RBFOX1: variants seen among roughly 807,000 people sequenced by gnomAD.
RBFOX1 encodes the protein RNA binding fox-1 homolog 1.
A neutral mutation model predicts 57.7 loss-of-function variants in RBFOX1; 8 were observed. The observed-to-expected ratio is 0.14, with a 90% CI of 0.08 to 0.25. The LOEUF is 0.25. RBFOX1 is among the 10% of genes least tolerant of loss of function. RBFOX1 has a pLI of 1.00. For synonymous variants in RBFOX1, 326 were observed against 222.4 expected (o/e 1.47, Z -4.15); for missense variants, 611 against 548.5 (o/e 1.11, Z -1.14).
chr16:7,225,898 T>TGTA, intron 4 of RBFOX1, among the ~76,000 whole-genome samples: 2 of 29,038 alleles, frequency 6.9e-5, no homozygotes, highest in Non-Finnish European at 1.1e-4. Flanking sequence ...GAACTTAAAG[T>TGTA]ATAATAAATA....
chr16:6,782,732 C>G (rs1411212182), intron 3 of RBFOX1, among the ~76,000 whole-genome samples: 1 of 152,118 alleles, frequency 6.6e-6, no homozygotes, highest in African/African-American at 2.4e-5. Context: ...TTGTAAATGT[C>G]TATTGATCAA....
chr16:5,823,399 C>T (rs1232648853), intron 3 of RBFOX1, among the ~76,000 whole-genome samples: 1 of 152,158 alleles, frequency 6.6e-6, no homozygotes, highest in Admixed American at 6.5e-5. Flanking sequence ...TAACCAAATG[C>T]AACATAGCAT....
At chr16:6,381,073 C>T (rs528385428) in intron 2 of RBFOX1, among the ~76,000 whole-genome samples, 35 of 152,108 alleles carry the variant, frequency 2.3e-4, no homozygotes, top group African/African-American at 8.0e-4. Context: ...CAGTTTGGGG[C>T]AAGGGGATTT....
At chr16:5,414,519 G>C (rs1014968648) in intron 1 of RBFOX1, among the ~76,000 whole-genome samples, 32 of 152,152 alleles carry the variant, frequency 2.1e-4, no homozygotes, top group African/African-American at 7.7e-4. Context: ...ATGTGGGTTG[G>C]TCAATTTGGG....
intron 2 of RBFOX1, among the ~76,000 whole-genome samples, chr16:6,485,396 C>T (rs2153106945): frequency 1.3e-5 from 2 of 151,442 alleles, no homozygotes; most frequent in South Asian, 4.2e-4. Context: ...ATTTCTTCCT[C>T]CTTATCCCAT....
intron 4 of RBFOX1, among the ~76,000 whole-genome samples, chr16:5,922,549 C>T (rs1417894846): frequency 6.6e-6 from 1 of 152,172 alleles, no homozygotes. Context: ...CACCATCTCC[C>T]TGCTGGACCC....
At chr16:5,592,854 C>A (rs1009582432) in intron 2 of RBFOX1, among the ~76,000 whole-genome samples, 1 of 152,150 alleles carries the variant, frequency 6.6e-6, no homozygotes, top group East Asian at 1.9e-4. Flanking sequence ...GGGGTCAGAA[C>A]ACTTTAGGGT....
intron 1 of RBFOX1, among the ~76,000 whole-genome samples, chr16:6,157,825 G>A (rs975688036): frequency 7.2e-5 from 11 of 152,144 alleles, no homozygotes; most frequent in African/African-American, 2.7e-4. Flanking sequence ...ATAATTATCA[G>A]CAATGTTAGA....
intron 1 of RBFOX1, among the ~76,000 whole-genome samples, chr16:6,134,314 G>C (rs1348017168): frequency 1.3e-5 from 2 of 152,140 alleles, no homozygotes; most frequent in Non-Finnish European, 2.9e-5. Context: ...TATTTTTACG[G>C]TTATTGGATT....
chr16:6,767,086 G>A (rs1165381247), intron 3 of RBFOX1, among the ~76,000 whole-genome samples: 1 of 152,036 alleles, frequency 6.6e-6, no homozygotes, highest in Non-Finnish European at 1.5e-5. Context: ...CTCATCCTGT[G>A]GTCCTATAAT....
chr16:7,616,915 C>G (rs937186880), intron 10 of RBFOX1, among the ~76,000 whole-genome samples: 1 of 151,666 alleles, frequency 6.6e-6, no homozygotes, highest in African/African-American at 2.4e-5. Flanking sequence ...ATCCTAAGGA[C>G]AAGCTGTTGT....
At chr16:6,213,000 C>A (rs1168811946) in intron 1 of RBFOX1, among the ~76,000 whole-genome samples, 1 of 152,090 alleles carries the variant, frequency 6.6e-6, no homozygotes, top group East Asian at 1.9e-4. Flanking sequence ...ATTTTATATT[C>A]ACTGTTGTGG....
At chr16:7,460,053 C>A (rs1292380567) in intron 4 of RBFOX1, among the ~76,000 whole-genome samples, 3 of 152,014 alleles carry the variant, frequency 2.0e-5, no homozygotes, top group Non-Finnish European at 2.9e-5. Context: ...AGGGATGAGG[C>A]AGACTTAGGG....
intron 4 of RBFOX1, among the ~76,000 whole-genome samples, chr16:7,182,678 A>G (rs2082956060): frequency 6.6e-6 from 1 of 151,536 alleles, no homozygotes; most frequent in African/African-American, 2.4e-5. Context: ...GGCAGGAAGT[A>G]CGATGAAGCA....
intron 1 of RBFOX1, among the ~76,000 whole-genome samples, chr16:5,424,999 T>TTTCTTTC (rs1220049418): frequency 1.4e-5 from 2 of 140,508 alleles, no homozygotes; most frequent in African/African-American, 5.2e-5. Context: ...TTTTCTTTTC[T>TTTCTTTC]TTTCTTTTCT....
chr16:6,768,240 C>G (rs1290508204), intron 3 of RBFOX1, among the ~76,000 whole-genome samples: 4 of 151,956 alleles, frequency 2.6e-5, no homozygotes, highest in Non-Finnish European at 5.9e-5. Flanking sequence ...AAGGACCTCA[C>G]TTTTTACTCC....
intron 1 of RBFOX1, among the ~76,000 whole-genome samples, chr16:6,315,787 C>G (rs548837660): frequency 6.6e-6 from 1 of 152,276 alleles, no homozygotes; most frequent in South Asian, 2.1e-4. Flanking sequence ...CAGGTCACCC[C>G]TCTTTCCAAT....
chr16:6,411,282 C>A (rs1477980514), intron 2 of RBFOX1, among the ~76,000 whole-genome samples: 1 of 152,110 alleles, frequency 6.6e-6, no homozygotes, highest in Non-Finnish European at 1.5e-5. Context: ...ACACTTGGAC[C>A]CTTTTTATCT....
chr16:6,851,902 G>A (rs922087510), intron 3 of RBFOX1, among the ~76,000 whole-genome samples: 47 of 150,810 alleles, frequency 3.1e-4, no homozygotes, highest in African/African-American at 1.1e-3. Context: ...GGGTTGGAGA[G>A]TACGGTGTAT....
Sources: allele counts gnomAD v4.1 joint callset (sites outside exome capture counted in the v4.1 genomes callset), GRCh38; gene constraint gnomAD v4.1.1; transcripts MANE v1.5; gene names NCBI Gene and HGNC (gene_info 2026-07-23, HGNC 2026-07-21).